Variants in DAAM1 observed in about 807,000 individuals in gnomAD.
DAAM1 encodes dishevelled associated activator of morphogenesis 1.
A neutral mutation model predicts 130.0 loss-of-function variants in DAAM1; 52 were observed. That is an observed-to-expected ratio of 0.40 (90% CI 0.32 to 0.50). The LOEUF is 0.50. Among genes scored for constraint, DAAM1 ranks in the 20% least tolerant of loss-of-function variants. The pLI, the probability that DAAM1 is intolerant of heterozygous loss-of-function variation, is 0.61. For missense variants in DAAM1, 1,134 were observed against 1,303.8 expected (o/e 0.87, Z 2.01); for synonymous variants, 452 against 444.5 (o/e 1.02, Z -0.21).
At chr14:59,300,188 C>A (rs1352827811) in intron 3 of DAAM1, among the ~76,000 whole-genome samples, 1 of 152,150 alleles carries the variant, frequency 6.6e-6, no homozygotes, top group Non-Finnish European at 1.5e-5. Context: ...GGACCCAACA[C>A]AAAGAGAATT....
chr14:59,339,995 A>C, intron 15 of DAAM1, 79 bp from the exon 16 acceptor site: 1 of 1,288,586 alleles, frequency 7.8e-7, no homozygotes, highest in Non-Finnish European at 1.1e-6. Flanking sequence ...TATATGAACA[A>C]CAATGTAAAG....
intron 1 of DAAM1, among the ~76,000 whole-genome samples, chr14:59,258,779 A>ACC (rs1882026345): frequency 6.6e-6 from 1 of 152,208 alleles, no homozygotes; most frequent in African/African-American, 2.4e-5. Context: ...GATGGGTTTA[A>ACC]TAAAGGACCT....
At chr14:59,249,018 AC>A (rs1440221713) in intron 1 of DAAM1, among the ~76,000 whole-genome samples, 1 of 152,040 alleles carries the variant, frequency 6.6e-6, no homozygotes, top group African/African-American at 2.4e-5. Flanking sequence ...CGATCTCCTG[AC>A]CTCGTGATCC....
At chr14:59,355,446 C>A in intron 20 of DAAM1, 113 bp downstream of exon 20, 1 of 1,298,424 alleles carries the variant, frequency 7.7e-7, no homozygotes, top group Non-Finnish European at 1.1e-6. Flanking sequence ...TCAGTTGGAA[C>A]TTCTCTTTCT....
intron 1 of DAAM1, among the ~76,000 whole-genome samples, chr14:59,228,461 G>A (rs1206062641): frequency 2.0e-5 from 3 of 152,176 alleles, no homozygotes; most frequent in Non-Finnish European, 1.5e-5. Context: ...ACTATTGGTT[G>A]AAAATGGTTC....
In DAAM1 at chr14:59,368,913, T is replaced by C. The variant is rs1887031657; in HGVS notation, c.*54T>C. Reference sequence around the variant, plus strand: ...CTCATTAGCAGCCCTCTAAAGTGACTAGAACGTTTCATTACACTGCCTTGC... The same window carrying C: ...CTCATTAGCAGCCCTCTAAAGTGACCAGAACGTTTCATTACACTGCCTTGC... On this transcript the variant is annotated 3_prime_UTR_variant, in exon 25 of 25. Coordinates refer to ENST00000360909, the MANE Select transcript of DAAM1 (RefSeq NM_001270520.2). 2.0e-6 allele frequency: 3 copies of C among 1,537,200 alleles called. No homozygotes were observed. The highest frequency in any genetic ancestry group is 1.8e-6 in the Non-Finnish European group (2 of 1,130,286).
At position 59,268,615 on chromosome 14, in the gene DAAM1, A is replaced by G. The variant is rs2139516843; in HGVS notation, c.183+4955A>G. 2.0e-5 allele frequency among the ~76,000 whole-genome samples: 3 copies of G among 152,340 alleles called. No homozygotes were observed. The South Asian group carries it at 6.2e-4, about 32-fold the overall frequency. On this transcript the variant is annotated intron_variant, in intron 2 of 24. Coordinates refer to ENST00000360909, the MANE Select transcript of DAAM1 (RefSeq NM_001270520.2). ...GGAATTGTGTGTGCGTGAGTTGTCA[A>G]ATAGAAATAAAGTCTCCCTGCTAAC...
At chr14:59,361,836 C>T (rs755546844) in intron 22 of DAAM1, among the ~76,000 whole-genome samples, 10 of 152,196 alleles carry the variant, frequency 6.6e-5, no homozygotes, top group Non-Finnish European at 1.5e-4. Context: ...AGGTGCCTCT[C>T]ATAAGTATCC....
intron 16 of DAAM1, among the ~76,000 whole-genome samples, chr14:59,341,815 C>T (rs938897856): frequency 6.6e-6 from 1 of 152,122 alleles, no homozygotes; most frequent in Non-Finnish European, 1.5e-5. Context: ...TAGAATTTCT[C>T]TCTATATTTT....
At chr14:59,274,438 T>C (rs1882864996) in intron 2 of DAAM1, among the ~76,000 whole-genome samples, 1 of 152,214 alleles carries the variant, frequency 6.6e-6, no homozygotes, top group Admixed American at 6.5e-5. Context: ...TTTTTTCTCA[T>C]ATGAATAACT....
Position 59,370,624 on chromosome 14 carries a change from A to G in DAAM1, c.*1765A>G, listed in dbSNP as rs1390248696. The stretch of plus-strand genomic sequence containing the variant: ...TTGCAAATTTAGTGACTTTCTACAC[A>G]CTATATGGAAATAAATGACTAGCAA... On this transcript the variant is annotated 3_prime_UTR_variant, in exon 25 of 25. Transcript: ENST00000360909. The G allele has an allele frequency of 6.6e-6, 1 of 152,130 alleles. No individual in the cohort carries two copies. Among genetic ancestry groups the G allele is most frequent in the African/African-American group, 2.4e-5 (1 of 41,418 alleles). 9.4% of individuals were successfully genotyped at this position (152,130 alleles called of 1,614,324 possible). A position where few individuals can be genotyped will look rare whatever the true frequency, so the allele number is the denominator to read the frequency against.
intron 1 of DAAM1, among the ~76,000 whole-genome samples, chr14:59,201,660 A>G (rs1888109195): frequency 6.6e-6 from 1 of 152,044 alleles, no homozygotes. Context: ...AGCTGAGCAT[A>G]GTGGTACACA....
rs71111617 is a variant in DAAM1, at chr14:59,201,160, C to CAA, written c.-38+12415_-38+12416dup. On this transcript the variant is annotated intron_variant, in intron 1 of 24. Transcript: ENST00000360909. ...TGGGCGACAGAGTGAGACTCCGTCT[C>CAA]AAAAAAAAAAAAAAAAAAAAAAAAT... Among the ~76,000 whole-genome samples the CAA allele has an allele frequency of 5.2e-3, 357 of 68,348 alleles. 3 individuals carry two copies. The highest frequency in any genetic ancestry group is 8.4e-3 in the African/African-American group (132 of 15,688). The allele number at this position is 68,348 out of a possible 152,430, so 44.8% of individuals were successfully genotyped here. A position where few individuals can be genotyped will look rare whatever the true frequency, so the allele number is the denominator to read the frequency against.
At chr14:59,336,289 A>G (rs1319499375) in intron 15 of DAAM1, among the ~76,000 whole-genome samples, 1 of 152,236 alleles carries the variant, frequency 6.6e-6, no homozygotes, top group Non-Finnish European at 1.5e-5. Flanking sequence ...TGCAAGTCCC[A>G]ACTTCCTATT....
intron 16 of DAAM1, among the ~76,000 whole-genome samples, chr14:59,342,371 A>G (rs1021379457): frequency 6.6e-6 from 1 of 152,198 alleles, no homozygotes; most frequent in Non-Finnish European, 1.5e-5. Flanking sequence ...TTACTCTCTC[A>G]TCAGGAAAGC....
At chr14:59,327,093 G>A (rs906954013) in intron 12 of DAAM1, 102 bp downstream of exon 12, 4 of 1,309,162 alleles carry the variant, frequency 3.1e-6, no homozygotes, top group African/African-American at 2.9e-5. Flanking sequence ...TGTTAGCTTG[G>A]TGCAGGCAGC....
chr14:59,196,089 A>C (rs1887881737), intron 1 of DAAM1, among the ~76,000 whole-genome samples: 1 of 152,216 alleles, frequency 6.6e-6, no homozygotes, highest in Non-Finnish European at 1.5e-5. Flanking sequence ...TGTGAAGATT[A>C]GGTCAGGACT....
At chr14:59,209,851 T>A (rs1248741595) in intron 1 of DAAM1, among the ~76,000 whole-genome samples, 1 of 152,088 alleles carries the variant, frequency 6.6e-6, no homozygotes, top group Non-Finnish European at 1.5e-5. Context: ...GCACAGTGAC[T>A]CATGCCTGTA....
chr14:59,236,268 G>A (rs1889294117), intron 1 of DAAM1, among the ~76,000 whole-genome samples: 1 of 151,870 alleles, frequency 6.6e-6, no homozygotes, highest in Admixed American at 6.6e-5. Flanking sequence ...AGTAGGTGTT[G>A]TTTTGTTTTG....
Sources: allele counts gnomAD v4.1 joint callset (sites outside exome capture counted in the v4.1 genomes callset), GRCh38; gene constraint gnomAD v4.1.1; transcripts MANE v1.5; gene names NCBI Gene and HGNC (gene_info 2026-07-23, HGNC 2026-07-21).